MAGI2: variants seen among roughly 807,000 people sequenced by gnomAD.
MAGI2 encodes membrane-associated guanylate kinase, WW and PDZ domain-containing protein 2.
MAGI2 carries 35 observed loss-of-function variants against 133.3 expected under a neutral mutation model. The observed-to-expected ratio is 0.26, with a 90% CI of 0.20 to 0.35. MAGI2 has a LOEUF of 0.35. MAGI2 is among the 10% of genes least tolerant of loss of function. The pLI, the probability that MAGI2 is intolerant of heterozygous loss-of-function variation, is 1.00. For synonymous variants in MAGI2, 729 were observed against 710.6 expected, an observed-to-expected ratio of 1.03 and a Z score of -0.41; for missense variants, 1,636 against 1,863.4, an observed-to-expected ratio of 0.88 and a Z score of 2.25.
intron 9 of MAGI2, among the ~76,000 whole-genome samples, chr7:78,327,867 C>T (rs1333733599): frequency 6.6e-6 from 1 of 152,070 alleles, no homozygotes; most frequent in Non-Finnish European, 1.5e-5. Flanking sequence ...GGGCTAAGTG[C>T]CCCAGCCTGC....
At chr7:78,669,447 A>T (rs1458252224) in intron 2 of MAGI2, among the ~76,000 whole-genome samples, 1 of 152,158 alleles carries the variant, frequency 6.6e-6, no homozygotes, top group Non-Finnish European at 1.5e-5. Flanking sequence ...CCAGCCAAAA[A>T]GAGTCCAGGA....
At chr7:78,416,865 A>G (rs112451936) in intron 6 of MAGI2, among the ~76,000 whole-genome samples, 85 of 152,234 alleles carry the variant, frequency 5.6e-4, no homozygotes, top group African/African-American at 2.0e-3. Flanking sequence ...TTGATAAGAA[A>G]CAGGCCTTCA....
intron 2 of MAGI2, among the ~76,000 whole-genome samples, chr7:78,911,658 A>T (rs1798406661): frequency 9.8e-6 from 1 of 102,556 alleles, no homozygotes; most frequent in African/African-American, 5.2e-5. Flanking sequence ...ATAAAAAATT[A>T]TGTGTGTATA....
At chr7:79,241,395 T>G (rs1832398924) in intron 1 of MAGI2, among the ~76,000 whole-genome samples, 2 of 152,212 alleles carry the variant, frequency 1.3e-5, no homozygotes, top group South Asian at 2.1e-4. Context: ...TGTCTTGCTT[T>G]TAGCTTCACA....
intron 9 of MAGI2, among the ~76,000 whole-genome samples, chr7:78,336,754 G>A (rs1471442418): frequency 6.6e-6 from 1 of 151,562 alleles, no homozygotes; most frequent in African/African-American, 2.4e-5. Flanking sequence ...AGAAAGAAGA[G>A]AGAAGAAAGA....
At chr7:78,701,816 T>C (rs1420783496) in intron 2 of MAGI2, among the ~76,000 whole-genome samples, 2 of 152,018 alleles carry the variant, frequency 1.3e-5, no homozygotes, top group African/African-American at 4.8e-5. Flanking sequence ...AATCACGTTT[T>C]CACTTTTCCT....
chr7:78,094,479 T>A (rs985572832), intron 20 of MAGI2, among the ~76,000 whole-genome samples: 1 of 152,212 alleles, frequency 6.6e-6, no homozygotes, highest in African/African-American at 2.4e-5. Context: ...TTTGGTGTGA[T>A]GCTGCATAGT....
chr7:79,428,973 T>A (rs1847586802), intron 1 of MAGI2, among the ~76,000 whole-genome samples: 1 of 152,096 alleles, frequency 6.6e-6, no homozygotes, highest in Non-Finnish European at 1.5e-5. Context: ...GATTATCAAG[T>A]ATAAAAACAA....
intron 21 of MAGI2, among the ~76,000 whole-genome samples, chr7:78,022,353 A>G (rs1424704742): frequency 6.6e-6 from 1 of 152,234 alleles, no homozygotes; most frequent in Admixed American, 6.5e-5. Context: ...TTTCCCCATC[A>G]TTACATCACA....
intron 3 of MAGI2, among the ~76,000 whole-genome samples, chr7:78,542,905 G>C (rs150556327): frequency 1.5e-3 from 225 of 152,322 alleles, no homozygotes; most frequent in African/African-American, 5.0e-3. Context: ...CAAGAGAACA[G>C]GAAGACGGTT....
At chr7:78,331,459 T>C (rs1305503468) in intron 9 of MAGI2, among the ~76,000 whole-genome samples, 1 of 152,254 alleles carries the variant, frequency 6.6e-6, no homozygotes, top group Non-Finnish European at 1.5e-5. Flanking sequence ...GGTTCATTGA[T>C]AAAGCAAGGC....
intron 2 of MAGI2, among the ~76,000 whole-genome samples, chr7:78,840,425 C>A (rs1792032499): frequency 6.6e-6 from 1 of 152,008 alleles, no homozygotes; most frequent in African/African-American, 2.4e-5. Flanking sequence ...TAGAGCCCAG[C>A]CTCAGACTGT....
chr7:78,898,647 C>CTTT (rs1797389101), intron 2 of MAGI2, among the ~76,000 whole-genome samples: 4 of 151,942 alleles, frequency 2.6e-5, no homozygotes, highest in African/African-American at 9.7e-5. Context: ...ACACTAGGGC[C>CTTT]TATCAGAGGA....
chr7:78,390,314 G>T (rs1189869271), intron 6 of MAGI2, among the ~76,000 whole-genome samples: 1 of 152,128 alleles, frequency 6.6e-6, no homozygotes, highest in Non-Finnish European at 1.5e-5. Flanking sequence ...ATATTATTTG[G>T]TTTGTTTCCA....
chr7:79,384,631 T>C (rs960694011), intron 1 of MAGI2, among the ~76,000 whole-genome samples: 4 of 151,648 alleles, frequency 2.6e-5, no homozygotes, highest in African/African-American at 9.7e-5. Context: ...CTTGTGGTGA[T>C]GGTTTCACAG....
chr7:79,065,244 T>C (rs1368286191), intron 1 of MAGI2, among the ~76,000 whole-genome samples: 4 of 152,152 alleles, frequency 2.6e-5, no homozygotes, highest in Non-Finnish European at 4.4e-5. Flanking sequence ...CAGGTTAAAG[T>C]AGCCACTAGT....
At chr7:78,814,533 G>A (rs1789389596) in intron 2 of MAGI2, among the ~76,000 whole-genome samples, 1 of 152,112 alleles carries the variant, frequency 6.6e-6, no homozygotes, top group African/African-American at 2.4e-5. Context: ...GGTGAACTGA[G>A]TAAATTTACG....
chr7:78,942,077 AG>A (rs1801031268), intron 2 of MAGI2, among the ~76,000 whole-genome samples: 1 of 152,184 alleles, frequency 6.6e-6, no homozygotes, highest in Non-Finnish European at 1.5e-5. Context: ...GTTGGTGGAA[AG>A]AAAAAATGTT....
chr7:78,777,817 T>C (rs116286954), intron 2 of MAGI2, among the ~76,000 whole-genome samples: 133 of 152,294 alleles, frequency 8.7e-4, no homozygotes, highest in African/African-American at 2.9e-3. Flanking sequence ...CATAAAATGC[T>C]TTCTCCTTAA....
Sources: allele counts gnomAD v4.1 joint callset (sites outside exome capture counted in the v4.1 genomes callset), GRCh38; gene constraint gnomAD v4.1.1; transcripts MANE v1.5; gene names NCBI Gene and HGNC (gene_info 2026-07-23, HGNC 2026-07-21).